The following TGFBR2 variants were observed in gnomAD, a reference collection of about 807,000 sequenced individuals.
The protein encoded by TGFBR2 is transforming growth factor beta receptor 2, also known as TGF-beta receptor type-2.
In TGFBR2, 18 loss-of-function variants were observed where a neutral mutation model predicts 49.0. The observed-to-expected ratio is 0.37, with a 90% CI of 0.25 to 0.54. The LOEUF (loss-of-function observed/expected upper bound fraction) is 0.54, where lower values mean the gene tolerates loss of function less well. Ranked by LOEUF, TGFBR2 falls within the 20% of genes least tolerant of loss-of-function variation. The pLI is 0.85. For synonymous variants in TGFBR2, 282 were observed against 275.9 expected, an observed-to-expected ratio of 1.02 and a Z score of -0.22; for missense variants, 525 against 722.6, an observed-to-expected ratio of 0.73 and a Z score of 3.13.
At chr3:30,607,945 G>A (rs1265352091) in intron 1 of TGFBR2, among the ~76,000 whole-genome samples, 2 of 148,518 alleles carry the variant, frequency 1.3e-5, no homozygotes, top group African/African-American at 2.5e-5. Context: ...TCAAAAGTTA[G>A]ATTTTTTTTT....
chr3:30,671,283 G>A (rs939928949), intron 3 of TGFBR2, among the ~76,000 whole-genome samples: 1 of 152,142 alleles, frequency 6.6e-6, no homozygotes, highest in Non-Finnish European at 1.5e-5. Context: ...AAATCAAGAG[G>A]TAGAGTCATA....
At chr3:30,622,879 C>CAAAA (rs10575244) in intron 1 of TGFBR2, among the ~76,000 whole-genome samples, 32 of 75,646 alleles carry the variant, frequency 4.2e-4, no homozygotes, top group East Asian at 1.2e-3. Flanking sequence ...GACTTTGTCT[C>CAAAA]AAAAAAAAAA....
intron 1 of TGFBR2, among the ~76,000 whole-genome samples, chr3:30,642,326 T>C (rs1028768244): frequency 7.9e-5 from 12 of 152,144 alleles, no homozygotes; most frequent in African/African-American, 2.9e-4. Context: ...GGGGGGTTGC[T>C]GTTTTGTTTT....
intron 5 of TGFBR2, among the ~76,000 whole-genome samples, chr3:30,680,643 G>T (rs1305797931): frequency 6.6e-6 from 1 of 151,732 alleles, no homozygotes; most frequent in Non-Finnish European, 1.5e-5. Flanking sequence ...GATAGATAAT[G>T]AAAGAGGCTG....
intron 1 of TGFBR2, among the ~76,000 whole-genome samples, chr3:30,614,010 A>C (rs1490410282): frequency 6.6e-6 from 1 of 152,136 alleles, no homozygotes; most frequent in African/African-American, 2.4e-5. Flanking sequence ...TAAAGAAAAA[A>C]TGAGTTACTT....
intron 1 of TGFBR2, among the ~76,000 whole-genome samples, chr3:30,625,267 G>T (rs1287607493): frequency 6.6e-6 from 1 of 152,158 alleles, no homozygotes; most frequent in African/African-American, 2.4e-5. Flanking sequence ...CCTAGGAAGA[G>T]AAATTAAGTT....
chr3:30,638,795 C>A (rs541110485), intron 1 of TGFBR2, among the ~76,000 whole-genome samples: 2 of 152,248 alleles, frequency 1.3e-5, no homozygotes, highest in Non-Finnish European at 2.9e-5. Context: ...GCTTGACTTT[C>A]TTCTTTGTTC....
At chr3:30,643,105 A>G (rs992366816) in intron 1 of TGFBR2, among the ~76,000 whole-genome samples, 1 of 152,226 alleles carries the variant, frequency 6.6e-6, no homozygotes, top group Admixed American at 6.5e-5. Flanking sequence ...GTTGCAGGGC[A>G]AAGTATCTAT....
intron 3 of TGFBR2, among the ~76,000 whole-genome samples, chr3:30,658,657 A>C (rs1446732721): frequency 6.6e-6 from 1 of 152,230 alleles, no homozygotes; most frequent in Non-Finnish European, 1.5e-5. Flanking sequence ...GCAGAGAAGA[A>C]GACTTCTTGT....
intron 1 of TGFBR2, among the ~76,000 whole-genome samples, chr3:30,615,746 A>T (rs1391386454): frequency 8.6e-5 from 13 of 151,672 alleles, no homozygotes; most frequent in Admixed American, 1.3e-4. Flanking sequence ...ACTATTTAAA[A>T]TTTTTTTTCC....
At chr3:30,635,683 T>A (rs1698514808) in intron 1 of TGFBR2, among the ~76,000 whole-genome samples, 1 of 152,234 alleles carries the variant, frequency 6.6e-6, no homozygotes, top group African/African-American at 2.4e-5. Context: ...AGTACCTCAT[T>A]GGATGAATTC....
chr3:30,638,433 C>T (rs549388475), intron 1 of TGFBR2, among the ~76,000 whole-genome samples: 1 of 152,262 alleles, frequency 6.6e-6, no homozygotes, highest in East Asian at 1.9e-4. Flanking sequence ...GCCATAGTCT[C>T]CCTGTTAGCT....
At chr3:30,669,055 A>G (rs954672553) in intron 3 of TGFBR2, among the ~76,000 whole-genome samples, 1 of 144,520 alleles carries the variant, frequency 6.9e-6, no homozygotes, top group Admixed American at 7.4e-5. Context: ...AGGCGGGCAG[A>G]TCACAAGGTC....
intron 3 of TGFBR2, among the ~76,000 whole-genome samples, chr3:30,660,644 C>T (rs1233295703): frequency 6.6e-6 from 1 of 152,164 alleles, no homozygotes; most frequent in African/African-American, 2.4e-5. Flanking sequence ...ACCTGTTTTA[C>T]CCCATCCTTG....
intron 1 of TGFBR2, among the ~76,000 whole-genome samples, chr3:30,627,867 G>A (rs1361127306): frequency 1.3e-5 from 2 of 151,918 alleles, no homozygotes; most frequent in Non-Finnish European, 2.9e-5. Flanking sequence ...TAATGAATAG[G>A]GCAGTTATGG....
intron 5 of TGFBR2, among the ~76,000 whole-genome samples, chr3:30,677,121 G>A (rs978097805): frequency 1.3e-5 from 2 of 152,152 alleles, no homozygotes; most frequent in South Asian, 4.1e-4. Context: ...CTCTGTCAGT[G>A]CAGCCAGCTT....
chr3:30,675,272 G>C (rs974835231), intron 5 of TGFBR2, among the ~76,000 whole-genome samples: 1 of 152,134 alleles, frequency 6.6e-6, no homozygotes, highest in African/African-American at 2.4e-5. Flanking sequence ...TGTCCACTAT[G>C]TGTTTCTATT....
chr3:30,644,787 C>A lies in TGFBR2; in HGVS notation c.135C>A (p.Val45=), dbSNP rs1575143681. 6.2e-7 allele frequency: 1 copy of A among 1,614,134 alleles called. No individual in the cohort carries two copies. Among genetic ancestry groups the A allele is most frequent in the South Asian group, 1.1e-5 (1 of 91,082 alleles). The change falls in exon 2 of 7, where the codon GTC becomes GTA. Residue 45 remains valine (V), a synonymous_variant. Coordinates refer to ENST00000295754, the MANE Select transcript of TGFBR2 (RefSeq NM_003242.6). The part of the protein sequence containing the change: ...DMIVTDNNGA[V]KFPQLCKFCD... ...TAGTCACTGACAACAACGGTGCAGT[C>A]AAGTTTCCACAACTGTGTAAATTTT...
chr3:30,646,177 G>C (rs1161371499), intron 2 of TGFBR2, among the ~76,000 whole-genome samples: 2 of 152,148 alleles, frequency 1.3e-5, no homozygotes, highest in Non-Finnish European at 2.9e-5. Flanking sequence ...TGTAAAGCTA[G>C]CCTTGATGAT....
Sources: gnomAD v4.1 joint callset for allele counts (sites outside exome capture counted in the v4.1 genomes callset) on GRCh38, gnomAD v4.1.1 for gene constraint, MANE v1.5 for transcripts, NCBI Gene and HGNC (gene_info 2026-07-23, HGNC 2026-07-21) for gene names.